E2F7: variants seen among roughly 807,000 people sequenced by gnomAD.
E2F7 encodes transcription factor E2F7.
In E2F7, 35 loss-of-function variants were observed where a neutral mutation model predicts 81.1. The observed-to-expected ratio is 0.43, with a 90% CI of 0.33 to 0.57. E2F7 has a LOEUF of 0.57. E2F7 is among the 20% of genes least tolerant of loss of function. The probability of loss-of-function intolerance (pLI) is 0.04; values close to 1 mark genes in which losing one functional copy is unlikely to be tolerated. For synonymous variants in E2F7, 416 were observed against 416.2 expected, an observed-to-expected ratio of 1.00 and a Z score of 0.01; for missense variants, 961 against 1,093.7, an observed-to-expected ratio of 0.88 and a Z score of 1.71.
intron 3 of E2F7, among the ~76,000 whole-genome samples, 159 bp downstream of exon 3, chr12:77,055,696 T>TAA (rs1389743972): frequency 6.6e-6 from 1 of 152,126 alleles, no homozygotes; most frequent in East Asian, 1.9e-4. Context: ...TTATGAAAAA[T>TAA]AAGATAGAAT....
At chr12:77,062,279 G>A (rs1170401964) in intron 2 of E2F7, among the ~76,000 whole-genome samples, 1 of 152,144 alleles carries the variant, frequency 6.6e-6, no homozygotes, top group Non-Finnish European at 1.5e-5. Context: ...CGTATCCCCA[G>A]CATCTGGAAC....
Position 77,056,017 on chromosome 12 carries a change from T to G in E2F7, c.207A>C (p.Pro69=), listed in dbSNP as rs1409852588. The G allele has an allele frequency of 1.2e-6, 2 of 1,614,080 alleles. No individual in the cohort carries two copies. The highest frequency in any genetic ancestry group is 1.7e-5 in the Admixed American group (1 of 60,000). Residue 69 remains proline, a synonymous_variant, in exon 3 of 13, where the codon CCA becomes CCC. Coordinates refer to ENST00000322886, the MANE Select transcript of E2F7 (RefSeq NM_203394.3). The part of the protein sequence containing the change: ...KFTPERNPIT[P]VKFVDRQQAE... ...CTTGCTGTCTGTCAACAAACTTAAC[T>G]GGAGTAATGGGATTTCTTTCTGGAG...
At chr12:77,030,448 C>G (rs1020469572) in intron 9 of E2F7, 116 bp from the exon 10 acceptor site, 1 of 1,301,072 alleles carries the variant, frequency 7.7e-7, no homozygotes, top group Non-Finnish European at 1.0e-6. Flanking sequence ...CAGGCAGATA[C>G]GAAAGCGCAC....
chr12:77,031,881 G>A (rs1954810700), intron 9 of E2F7, among the ~76,000 whole-genome samples: 1 of 152,116 alleles, frequency 6.6e-6, no homozygotes, highest in Non-Finnish European at 1.5e-5. Context: ...GTATTGCTCA[G>A]CTCTGTGAAA....
intron 10 of E2F7, 103 bp downstream of exon 10, chr12:77,029,728 C>T (rs745416006): frequency 2.0e-6 from 3 of 1,515,636 alleles, no homozygotes; most frequent in South Asian, 1.3e-5. Context: ...GAAACAGCTC[C>T]ATATTCCAGA....
chr12:77,038,489 T>G (rs2120672741), intron 7 of E2F7, among the ~76,000 whole-genome samples: 1 of 152,250 alleles, frequency 6.6e-6, no homozygotes, highest in African/African-American at 2.4e-5. Flanking sequence ...ATTTAGAAAC[T>G]ATATGTTACA....
chr12:77,034,224 C>T (rs1366250893), intron 7 of E2F7, among the ~76,000 whole-genome samples, 182 bp from the exon 8 acceptor site: 2 of 149,426 alleles, frequency 1.3e-5, no homozygotes, highest in East Asian at 2.0e-4. Flanking sequence ...TTTCAATGTA[C>T]TTTTTTTTTT....
intron 4 of E2F7, 71 bp downstream of exon 4, chr12:77,050,505 C>T (rs1954977533): frequency 1.3e-6 from 2 of 1,550,342 alleles, no homozygotes; most frequent in South Asian, 1.2e-5. Flanking sequence ...TTCAAGCCTT[C>T]AGCCTGCCCA....
chr12:77,050,791 T>A (rs1187027533), intron 3 of E2F7, 47 bp from the exon 4 acceptor site: 5 of 1,589,128 alleles, frequency 3.1e-6, no homozygotes, highest in Non-Finnish European at 4.3e-6. Flanking sequence ...ACAGTTAACA[T>A]CCTAATGGAG....
intron 1 of E2F7, 162 bp from the exon 2 acceptor site, chr12:77,064,797 A>G (rs1169999366): frequency 2.0e-5 from 12 of 595,730 alleles, no homozygotes; most frequent in Non-Finnish European, 3.2e-5. Context: ...CAACTTTCTA[A>G]AACTCACGCG....
At chr12:77,048,021 T>C (rs992693292) in intron 4 of E2F7, among the ~76,000 whole-genome samples, 1 of 152,220 alleles carries the variant, frequency 6.6e-6, no homozygotes, top group East Asian at 1.9e-4. Flanking sequence ...CTCCATCTAG[T>C]GGCTAGACAT....
At chr12:77,041,701 A>G (rs756814580) in intron 7 of E2F7, among the ~76,000 whole-genome samples, 4 of 152,150 alleles carry the variant, frequency 2.6e-5, no homozygotes, top group Non-Finnish European at 5.9e-5. Context: ...TCCAAAATCT[A>G]ACAGCCCATC....
At chr12:77,059,443 G>A (rs189177756) in intron 2 of E2F7, among the ~76,000 whole-genome samples, 51 of 152,258 alleles carry the variant, frequency 3.3e-4, no homozygotes, top group African/African-American at 1.1e-3. Context: ...CCAGATTTCC[G>A]TAGGTATAAA....
chr12:77,048,914 T>C (rs1190169467), intron 4 of E2F7, among the ~76,000 whole-genome samples: 1 of 152,156 alleles, frequency 6.6e-6, no homozygotes, highest in African/African-American at 2.4e-5. Context: ...TCAATGGAAG[T>C]TGGGTACATG....
chr12:77,058,778 T>C (rs1243226770), intron 2 of E2F7, among the ~76,000 whole-genome samples: 1 of 152,262 alleles, frequency 6.6e-6, no homozygotes, highest in Non-Finnish European at 1.5e-5. Context: ...CCCTCTTTTC[T>C]ATTCTTTATT....
chr12:77,030,335 A>G lies in E2F7; in HGVS notation c.1383-3T>C, dbSNP rs1206957216. On this transcript the variant is annotated splice_polypyrimidine_tract_variant and splice_region_variant and intron_variant, in intron 9 of 12. Transcript: ENST00000322886. ...TCTTACTGGCAAAGGCTTTTCCCCT[A>G]TAATAAAAAAGAAACGTAACGAAGT... The G allele has an allele frequency of 6.6e-7, 1 of 1,524,730 alleles. No individual in the cohort carries two copies. The highest frequency in any genetic ancestry group is 8.8e-7 in the Non-Finnish European group (1 of 1,137,576). 94.5% of individuals were successfully genotyped at this position (1,524,730 alleles called of 1,614,324 possible). A position where few individuals can be genotyped will look rare whatever the true frequency, so the allele number is the denominator to read the frequency against.
At chr12:77,062,655 A>G (rs1955087393) in intron 2 of E2F7, among the ~76,000 whole-genome samples, 1 of 152,204 alleles carries the variant, frequency 6.6e-6, no homozygotes, top group Non-Finnish European at 1.5e-5. Context: ...GCACTTGCTG[A>G]TGCTAGAGGA....
chr12:77,061,537 T>G (rs1955078864), intron 2 of E2F7, among the ~76,000 whole-genome samples: 1 of 152,236 alleles, frequency 6.6e-6, no homozygotes, highest in African/African-American at 2.4e-5. Context: ...TTTCCACTTT[T>G]GTTGTGTCAA....
At chr12:77,030,455 G>A (rs779886378) in intron 9 of E2F7, 123 bp from the exon 10 acceptor site, 130 of 1,249,982 alleles carry the variant, frequency 1.0e-4, no homozygotes, top group Non-Finnish European at 1.4e-4. Context: ...ATACGAAAGC[G>A]CACTTGCTGA....
Sources: gnomAD v4.1 joint callset for allele counts (sites outside exome capture counted in the v4.1 genomes callset) on GRCh38, gnomAD v4.1.1 for gene constraint, MANE v1.5 for transcripts, NCBI Gene and HGNC (gene_info 2026-07-23, HGNC 2026-07-21) for gene names.